Variants in CLSTN2 observed in about 807,000 individuals in gnomAD.
The protein encoded by CLSTN2 is calsyntenin-2.
Under a neutral mutation model 101.2 loss-of-function variants are expected in CLSTN2, and 48 were observed. That is an observed-to-expected ratio of 0.47 (90% CI 0.38 to 0.60). The LOEUF (loss-of-function observed/expected upper bound fraction) is 0.60, where lower values mean the gene tolerates loss of function less well. Among genes scored for constraint, CLSTN2 ranks in the 20% least tolerant of loss-of-function variants. The probability of loss-of-function intolerance (pLI) is 0.00; values close to 1 mark genes in which losing one functional copy is unlikely to be tolerated. For missense variants in CLSTN2, 1,160 were observed against 1,238.2 expected (o/e 0.94, Z 0.95); for synonymous variants, 481 against 463.6 (o/e 1.04, Z -0.48).
chr3:140,403,228 A>G (rs1005057669), intron 2 of CLSTN2, among the ~76,000 whole-genome samples: 2 of 152,338 alleles, frequency 1.3e-5, no homozygotes, highest in South Asian at 4.1e-4. Flanking sequence ...CCACTGTTTC[A>G]AAAGAGAAAA....
intron 1 of CLSTN2, among the ~76,000 whole-genome samples, chr3:140,138,720 A>T (rs2009652501): frequency 6.6e-6 from 1 of 152,100 alleles, no homozygotes; most frequent in Non-Finnish European, 1.5e-5. Context: ...AGTCAATACG[A>T]CCTCTGAGGT....
chr3:139,942,698 T>C (rs1307447717), intron 1 of CLSTN2, among the ~76,000 whole-genome samples: 2 of 152,146 alleles, frequency 1.3e-5, no homozygotes, highest in East Asian at 1.9e-4. Context: ...TACACATTGG[T>C]AAATGCACAT....
chr3:140,247,393 C>A (rs2086526910), intron 2 of CLSTN2, among the ~76,000 whole-genome samples: 1 of 152,184 alleles, frequency 6.6e-6, no homozygotes. Flanking sequence ...TCCTCTCTTG[C>A]CCCACTGTGG....
At chr3:140,072,883 G>A (rs981613778) in intron 1 of CLSTN2, among the ~76,000 whole-genome samples, 11 of 152,178 alleles carry the variant, frequency 7.2e-5, no homozygotes, top group African/African-American at 2.4e-4. Context: ...GAACTGATGC[G>A]TGTTACCAAG....
chr3:140,181,233 A>G (rs1437344457), intron 2 of CLSTN2, among the ~76,000 whole-genome samples: 1 of 152,222 alleles, frequency 6.6e-6, no homozygotes. Flanking sequence ...TAATATGTAG[A>G]TTAAGTAAGA....
At chr3:140,108,171 GT>G (rs1299641840) in intron 1 of CLSTN2, among the ~76,000 whole-genome samples, 1 of 152,150 alleles carries the variant, frequency 6.6e-6, no homozygotes. Context: ...ACAAATACAG[GT>G]AGAACCACCA....
chr3:139,978,516 G>A lies in CLSTN2; in HGVS notation c.109+43033G>A, dbSNP rs187880402. On this transcript the variant is annotated intron_variant, in intron 1 of 16. Transcript: ENST00000458420. Reference sequence around the variant, plus strand: ...AACACAAAATCTTGTGCAAAAAAAGGAAAAGTTAACTATGGCATCTCTGTG... The same window carrying A: ...AACACAAAATCTTGTGCAAAAAAAGAAAAAGTTAACTATGGCATCTCTGTG... Among the ~76,000 whole-genome samples the A allele has an allele frequency of 2.8e-3, 431 of 152,232 alleles. 2 individuals are homozygous for A. Among genetic ancestry groups the A allele is most frequent in the African/African-American group, 9.9e-3 (411 of 41,508 alleles).
chr3:140,503,462 T>C (rs1274390400), intron 8 of CLSTN2, among the ~76,000 whole-genome samples: 1 of 152,208 alleles, frequency 6.6e-6, no homozygotes, highest in African/African-American at 2.4e-5. Context: ...GGCTGTACCA[T>C]AGAGCCTAGG....
intron 2 of CLSTN2, among the ~76,000 whole-genome samples, chr3:140,398,748 T>C (rs1422437613): frequency 6.6e-6 from 1 of 152,208 alleles, no homozygotes; most frequent in Non-Finnish European, 1.5e-5. Context: ...TCTAAAAAAT[T>C]GAATTAGCTT....
At chr3:140,185,523 C>T (rs75356379) in intron 2 of CLSTN2, among the ~76,000 whole-genome samples, 1,574 of 152,232 alleles carry the variant, frequency 0.01, 30 homozygotes, top group African/African-American at 0.036. Flanking sequence ...GGTCAAATTT[C>T]AAGCCCCATG....
At chr3:140,002,001 A>G (rs1394197383) in intron 1 of CLSTN2, among the ~76,000 whole-genome samples, 2 of 152,082 alleles carry the variant, frequency 1.3e-5, no homozygotes, top group Non-Finnish European at 2.9e-5. Context: ...TAAGTACCAC[A>G]TTTTCTTGAT....
intron 1 of CLSTN2, among the ~76,000 whole-genome samples, chr3:140,112,562 A>C (rs1366794372): frequency 6.6e-6 from 1 of 152,166 alleles, no homozygotes; most frequent in East Asian, 1.9e-4. Context: ...TCTCCTTCAT[A>C]AGTCAGTAAA....
At chr3:140,080,657 G>A (rs2008580055) in intron 1 of CLSTN2, among the ~76,000 whole-genome samples, 1 of 152,102 alleles carries the variant, frequency 6.6e-6, no homozygotes, top group South Asian at 2.1e-4. Context: ...CTGCTTCATA[G>A]GCTTTCACAG....
At chr3:140,423,883 T>G (rs2088533397) in intron 5 of CLSTN2, among the ~76,000 whole-genome samples, 1 of 152,206 alleles carries the variant, frequency 6.6e-6, no homozygotes, top group Non-Finnish European at 1.5e-5. Flanking sequence ...TAGTTCAGAT[T>G]GTGGGACCTG....
At chr3:140,150,423 G>A (rs2009845776) in intron 1 of CLSTN2, among the ~76,000 whole-genome samples, 1 of 152,156 alleles carries the variant, frequency 6.6e-6, no homozygotes, top group Admixed American at 6.5e-5. Flanking sequence ...GGTAAACCCA[G>A]CAATGTGCCA....
chr3:140,372,912 T>C (rs1576537701), intron 2 of CLSTN2, among the ~76,000 whole-genome samples: 1 of 152,236 alleles, frequency 6.6e-6, no homozygotes, highest in East Asian at 1.9e-4. Context: ...ACAAAACATT[T>C]TTAAAAATTA....
Position 140,171,864 on chromosome 3 carries a change from TAAC to T in CLSTN2, c.110-4084_110-4082del, listed in dbSNP as rs1414457528. On this transcript the variant is annotated intron_variant, in intron 1 of 16. Transcript: ENST00000458420. ...ATAATATAATATATATATTATATAA[TAAC>T]AATATATAATATATATATTATATAA... Among the ~76,000 whole-genome samples the T allele has an allele frequency of 1.2e-3, 142 of 121,998 alleles. 2 individuals are homozygous for T. The highest frequency in any genetic ancestry group is 4.4e-3 in the African/African-American group (133 of 30,358). The allele number at this position is 121,998 out of a possible 152,430, so 80.0% of individuals were successfully genotyped here.
chr3:140,140,059 C>A (rs2009673656), intron 1 of CLSTN2, among the ~76,000 whole-genome samples: 1 of 152,138 alleles, frequency 6.6e-6, no homozygotes, highest in African/African-American at 2.4e-5. Flanking sequence ...TTTCTGGGCA[C>A]CAGCCTCAGG....
intron 1 of CLSTN2, among the ~76,000 whole-genome samples, chr3:140,094,227 GT>G (rs2008830203): frequency 6.6e-6 from 1 of 152,084 alleles, no homozygotes; most frequent in African/African-American, 2.4e-5. Flanking sequence ...TTCTAATCCA[GT>G]GGGGTGGGGA....
Sources: gnomAD v4.1 joint callset for allele counts (sites outside exome capture counted in the v4.1 genomes callset) on GRCh38, gnomAD v4.1.1 for gene constraint, MANE v1.5 for transcripts, NCBI Gene and HGNC (gene_info 2026-07-23, HGNC 2026-07-21) for gene names.